Variants in LPIN2 observed in about 807,000 individuals in gnomAD.
The protein encoded by LPIN2 is lipin 2, also known as phosphatidate phosphatase LPIN2.
A neutral mutation model predicts 111.4 loss-of-function variants in LPIN2; 55 were observed. The ratio of observed to expected loss-of-function variants is 0.49; its 90% CI spans 0.40 to 0.62. The LOEUF is 0.62. Ranked by LOEUF, LPIN2 falls within the 20% of genes least tolerant of loss-of-function variation. The pLI is 0.00. For missense variants in LPIN2, 992 were observed against 1,112.1 expected, an observed-to-expected ratio of 0.89 and a Z score of 1.54; for synonymous variants, 425 against 414.0, an observed-to-expected ratio of 1.03 and a Z score of -0.32.
chr18:2,958,141 C>CAAAAAAAAAA lies in LPIN2; in HGVS notation c.192+2498_192+2507dup, dbSNP rs1224779773. 5.0e-3 allele frequency among the ~76,000 whole-genome samples: 60 copies of CAAAAAAAAAA among 11,930 alleles called. 7 individuals are homozygous for CAAAAAAAAAA. The highest frequency in any genetic ancestry group is 6.5e-3 in the South Asian group (2 of 306). 7.8% of individuals were successfully genotyped at this position (11,930 alleles called of 152,430 possible). A position where few individuals can be genotyped will look rare whatever the true frequency, so the allele number is the denominator to read the frequency against. On this transcript the variant is annotated intron_variant, in intron 2 of 19. Coordinates refer to ENST00000677752, the MANE Select transcript of LPIN2 (RefSeq NM_001375808.2). ...TGGGCGACAAAGCGAGACTCCATCTCAAAAAAAAAAAAAAAACAACAAAAA... is the reference window on the plus strand; with the variant it reads ...TGGGCGACAAAGCGAGACTCCATCTCAAAAAAAAAAAAAAAAAAAAAAAAAACAACAAAAA...
intron 4 of LPIN2, among the ~76,000 whole-genome samples, chr18:2,949,444 A>T (rs913371280): frequency 3.9e-5 from 6 of 152,234 alleles, no homozygotes; most frequent in African/African-American, 1.4e-4. Flanking sequence ...AGAGCTTAAC[A>T]TACTTTTCCA....
intron 1 of LPIN2, among the ~76,000 whole-genome samples, chr18:2,996,073 G>C (rs2078336209): frequency 6.6e-6 from 1 of 152,190 alleles, no homozygotes; most frequent in Admixed American, 6.5e-5. Flanking sequence ...GGGCGCTGTG[G>C]CTCACACCTA....
intron 1 of LPIN2, among the ~76,000 whole-genome samples, chr18:3,007,167 T>TTAG (rs2078529069): frequency 6.6e-6 from 1 of 152,112 alleles, no homozygotes; most frequent in African/African-American, 2.4e-5. Context: ...TAGTTAGTTA[T>TTAG]TTATTTTTAT....
At chr18:2,929,001 TA>T (rs978326998) in intron 10 of LPIN2, 63 bp downstream of exon 10, 10 of 1,070,898 alleles carry the variant, frequency 9.3e-6, no homozygotes, top group Non-Finnish European at 1.5e-5. Flanking sequence ...AAGTAACAGT[TA>T]AAAATGGCAC....
chr18:2,994,903 C>T (rs1405066687), intron 1 of LPIN2, among the ~76,000 whole-genome samples: 2 of 152,154 alleles, frequency 1.3e-5, no homozygotes, highest in African/African-American at 4.8e-5. Flanking sequence ...ACTGGGTCCC[C>T]ACAAACATGT....
intron 1 of LPIN2, among the ~76,000 whole-genome samples, chr18:2,986,787 G>A (rs2078193441): frequency 1.3e-5 from 2 of 152,230 alleles, no homozygotes; most frequent in Admixed American, 6.5e-5. Context: ...GGCTGTAGCA[G>A]TCAAGTGCAT....
intron 1 of LPIN2, among the ~76,000 whole-genome samples, chr18:3,004,112 T>G (rs1379194449): frequency 6.6e-6 from 1 of 152,206 alleles, no homozygotes; most frequent in Non-Finnish European, 1.5e-5. Flanking sequence ...CTAGTCAGAC[T>G]GGTTCTCTGC....
At chr18:2,921,233 C>A in intron 18 of LPIN2, 2 of 552,938 alleles carry the variant, frequency 3.6e-6, no homozygotes, top group South Asian at 4.1e-5. Flanking sequence ...TGGGGTGATC[C>A]AAGGACGCAG....
chr18:3,005,709 C>T (rs2143494446), intron 1 of LPIN2, among the ~76,000 whole-genome samples: 1 of 119,562 alleles, frequency 8.4e-6, no homozygotes, highest in South Asian at 3.1e-4. Flanking sequence ...ACACACACAG[C>T]TTATCCAGTT....
intron 1 of LPIN2, among the ~76,000 whole-genome samples, chr18:3,008,879 G>GCT (rs775099949): frequency 1.6e-5 from 2 of 123,294 alleles, no homozygotes; most frequent in East Asian, 4.5e-4. Flanking sequence ...CCACAGCTGT[G>GCT]TTTTTTTTTT....
chr18:2,960,747 C>A lies in LPIN2; in HGVS notation c.94G>T (p.Asp32Tyr), dbSNP rs2077699711. 2 of 1,614,084 alleles carry A rather than the reference C, an allele frequency of 1.2e-6. No homozygotes were observed. Among genetic ancestry groups the A allele is most frequent in the Non-Finnish European group, 1.7e-6 (2 of 1,180,020 alleles). The change falls in exon 2 of 20, where the codon GAT (aspartate) becomes TAT (tyrosine). Residue 32 changes from aspartate to tyrosine, a missense_variant. Transcript: ENST00000677752. ...INQATLSGCI[D>Y]VIVVQQQDGS... ...TCCTGCTGCTGTACCACGATGACATCAATGCACCCAGAGAGGGTGGCCTGG... is the reference window on the plus strand; with the variant it reads ...TCCTGCTGCTGTACCACGATGACATAAATGCACCCAGAGAGGGTGGCCTGG...
intron 1 of LPIN2, among the ~76,000 whole-genome samples, chr18:2,963,836 T>C (rs903239968): frequency 3.0e-4 from 45 of 148,786 alleles, no homozygotes; most frequent in Admixed American, 4.0e-4. Context: ...TTTTAACAAA[T>C]ACCAAAAATG....
At chr18:2,978,084 G>T (rs1398068753) in intron 1 of LPIN2, among the ~76,000 whole-genome samples, 9 of 152,108 alleles carry the variant, frequency 5.9e-5, no homozygotes, top group Admixed American at 5.9e-4. Context: ...CTACTCAGGA[G>T]GCTGAGGCAG....
At chr18:2,963,419 G>C (rs1165578727) in intron 1 of LPIN2, among the ~76,000 whole-genome samples, 1 of 151,920 alleles carries the variant, frequency 6.6e-6, no homozygotes, top group Non-Finnish European at 1.5e-5. Context: ...TCAACACCTG[G>C]GAAAGCCACA....
chr18:3,003,460 G>A (rs768383154), intron 1 of LPIN2, among the ~76,000 whole-genome samples: 1 of 152,162 alleles, frequency 6.6e-6, no homozygotes, highest in Non-Finnish European at 1.5e-5. Flanking sequence ...TAAACAGAGG[G>A]ACCAGCAGGA....
Position 2,920,003 on chromosome 18 carries a change from T to A in LPIN2, c.*290A>T. 1.9e-6 allele frequency: 1 copy of A among 515,642 alleles called. No individual in the cohort carries two copies. The highest frequency in any genetic ancestry group is 3.2e-5 in the Admixed American group (1 of 31,428). 31.9% of individuals were successfully genotyped at this position (515,642 alleles called of 1,614,324 possible). On this transcript the variant is annotated 3_prime_UTR_variant, in exon 20 of 20. Coordinates refer to ENST00000677752, the MANE Select transcript of LPIN2 (RefSeq NM_001375808.2). ...TTTTTCTTCCTTTAAAATGATGCAA[T>A]GGAAGGAGGCCCCAGCTCACAGCAG...
chr18:2,945,947 T>G, intron 4 of LPIN2: 1 of 1,401,642 alleles, frequency 7.1e-7, no homozygotes, highest in East Asian at 2.3e-5. Context: ...AAATCAGAAG[T>G]TTTTCTTCTA....
intron 1 of LPIN2, among the ~76,000 whole-genome samples, chr18:2,995,939 C>G (rs1242459026): frequency 2.4e-4 from 37 of 152,192 alleles, no homozygotes; most frequent in Admixed American, 2.4e-3. Context: ...CCTTCACAGT[C>G]ACATTTTTTA....
chr18:2,994,809 C>T (rs950931864), intron 1 of LPIN2, among the ~76,000 whole-genome samples: 7 of 152,140 alleles, frequency 4.6e-5, no homozygotes, highest in African/African-American at 1.4e-4. Context: ...CGGGTGGGGG[C>T]GGTGTGTGGG....
Sources: gnomAD v4.1 joint callset for allele counts (sites outside exome capture counted in the v4.1 genomes callset) on GRCh38, gnomAD v4.1.1 for gene constraint, MANE v1.5 for transcripts, NCBI Gene and HGNC (gene_info 2026-07-23, HGNC 2026-07-21) for gene names.